The following ATRNL1 variants were observed in gnomAD, a reference collection of about 807,000 sequenced individuals.
ATRNL1 encodes the protein attractin like 1.
Under a neutral mutation model 182.7 loss-of-function variants are expected in ATRNL1, and 95 were observed. The ratio of observed to expected loss-of-function variants is 0.52; its 90% CI spans 0.44 to 0.62. The LOEUF (loss-of-function observed/expected upper bound fraction) is 0.62, where lower values mean the gene tolerates loss of function less well. Among genes scored for constraint, ATRNL1 ranks in the 20% least tolerant of loss-of-function variants. ATRNL1 has a pLI of 0.00. For missense variants in ATRNL1, 1,471 were observed against 1,679.5 expected, an observed-to-expected ratio of 0.88 and a Z score of 2.17; for synonymous variants, 576 against 568.3, an observed-to-expected ratio of 1.01 and a Z score of -0.19.
At chr10:115,270,581 C>G (rs1169258630) in intron 13 of ATRNL1, among the ~76,000 whole-genome samples, 1 of 151,670 alleles carries the variant, frequency 6.6e-6, no homozygotes, top group Non-Finnish European at 1.5e-5. Flanking sequence ...TTCTACTCTA[C>G]GTATGGAGGC....
chr10:115,303,516 C>T (rs782304054), intron 17 of ATRNL1, among the ~76,000 whole-genome samples: 10 of 152,052 alleles, frequency 6.6e-5, no homozygotes, highest in Non-Finnish European at 1.2e-4. Context: ...CCACCGCGCC[C>T]GGCCGGTATC....
intron 27 of ATRNL1, among the ~76,000 whole-genome samples, chr10:115,772,673 T>A (rs1555076749): frequency 4.6e-5 from 7 of 151,044 alleles, no homozygotes. Context: ...TTTAAGTACA[T>A]TTTCCCTGTA....
chr10:115,707,456 T>G (rs1487567537), intron 26 of ATRNL1, among the ~76,000 whole-genome samples: 1 of 151,734 alleles, frequency 6.6e-6, no homozygotes, highest in Non-Finnish European at 1.5e-5. Context: ...TTTCTTCTTT[T>G]GAACCTCATT....
At chr10:115,613,183 G>A (rs1371967088) in intron 26 of ATRNL1, among the ~76,000 whole-genome samples, 4 of 152,102 alleles carry the variant, frequency 2.6e-5, no homozygotes, top group South Asian at 2.1e-4. Context: ...TAACAAAACC[G>A]GACCAGTATT....
chr10:115,895,601 CACTT>C (rs1952186593), intron 28 of ATRNL1, among the ~76,000 whole-genome samples: 1 of 152,216 alleles, frequency 6.6e-6, no homozygotes, highest in African/African-American at 2.4e-5. Flanking sequence ...ATTCAGCAAA[CACTT>C]ACTGAACATC....
At chr10:115,527,866 CTTTCCT>C in intron 25 of ATRNL1, among the ~76,000 whole-genome samples, 3 of 114,580 alleles carry the variant, frequency 2.6e-5, no homozygotes, top group African/African-American at 9.7e-5. Flanking sequence ...TTCCTTCCTT[CTTTCCT>C]TCCCTCCCTC....
At chr10:115,718,360 C>T (rs7913341) in intron 26 of ATRNL1, among the ~76,000 whole-genome samples, 56,588 of 151,764 alleles carry the variant, frequency 0.37, 11,351 homozygotes, top group East Asian at 0.59. Context: ...TGTAAGTCAA[C>T]GTCGAACAAA....
intron 5 of ATRNL1, among the ~76,000 whole-genome samples, chr10:115,157,107 A>G (rs1439381240): frequency 6.6e-6 from 1 of 152,188 alleles, no homozygotes; most frequent in Non-Finnish European, 1.5e-5. Context: ...TGGAATGTTT[A>G]CAACACAAAT....
At position 115,561,727 on chromosome 10, in the gene ATRNL1, G is replaced by T. The variant is rs1029159720; in HGVS notation, c.3795+12191G>T. Among the ~76,000 whole-genome samples, 30 of 147,698 alleles carry T rather than the reference G, an allele frequency of 2.0e-4. No individual in the cohort carries two copies. In the East Asian group the frequency reaches 4.7e-3, roughly 23 times the overall value. On this transcript the variant is annotated intron_variant, in intron 26 of 28. Transcript: ENST00000355044. ...TGGGTGTGTGTGTGTGTGTGTGTTT[G>T]TGTGGTCAGTAACTCATGAAAATGA...
chr10:115,867,387 A>G (rs1951463344), intron 28 of ATRNL1, among the ~76,000 whole-genome samples: 1 of 152,198 alleles, frequency 6.6e-6, no homozygotes, highest in Non-Finnish European at 1.5e-5. Flanking sequence ...CATGTCATAT[A>G]ATAAGAGGAA....
At chr10:115,497,139 C>T (rs921818912) in intron 24 of ATRNL1, among the ~76,000 whole-genome samples, 4 of 152,098 alleles carry the variant, frequency 2.6e-5, no homozygotes, top group Non-Finnish European at 2.9e-5. Context: ...TGTTCCTCAG[C>T]GTGGTCCATT....
intron 28 of ATRNL1, among the ~76,000 whole-genome samples, chr10:115,876,984 G>A (rs1414107414): frequency 6.6e-6 from 1 of 152,144 alleles, no homozygotes; most frequent in Non-Finnish European, 1.5e-5. Context: ...GCATAGTACA[G>A]TACATTTTCT....
chr10:115,863,539 T>C (rs1951364354), intron 28 of ATRNL1, among the ~76,000 whole-genome samples: 1 of 152,120 alleles, frequency 6.6e-6, no homozygotes, highest in South Asian at 2.1e-4. Context: ...ATGATACATA[T>C]GAGGAAAGTG....
intron 1 of ATRNL1, among the ~76,000 whole-genome samples, chr10:115,097,042 G>A (rs943302813): frequency 1.3e-5 from 2 of 152,054 alleles, no homozygotes; most frequent in African/African-American, 2.4e-5. Context: ...TTAGAAGGGA[G>A]CCCTTGAGAA....
chr10:115,191,761 G>A (rs1462120955), intron 8 of ATRNL1, among the ~76,000 whole-genome samples: 7 of 151,738 alleles, frequency 4.6e-5, no homozygotes, highest in East Asian at 1.9e-4. Context: ...TTCCCCTTCC[G>A]CCATGATTGC....
chr10:115,594,716 G>A (rs1406084558), intron 26 of ATRNL1, among the ~76,000 whole-genome samples: 2 of 152,142 alleles, frequency 1.3e-5, no homozygotes, highest in African/African-American at 4.8e-5. Flanking sequence ...TGTTGGCCAG[G>A]CTGGTCTTAA....
chr10:115,925,744 G>A (rs1953210771), intron 28 of ATRNL1, among the ~76,000 whole-genome samples: 1 of 152,160 alleles, frequency 6.6e-6, no homozygotes, highest in South Asian at 2.1e-4. Context: ...ACCCAATACA[G>A]GAGCAGCCAG....
chr10:115,630,623 GGATA>G (rs1323029872), intron 26 of ATRNL1, among the ~76,000 whole-genome samples: 2 of 149,374 alleles, frequency 1.3e-5, no homozygotes, highest in South Asian at 2.1e-4. Context: ...ATTGATAGAT[GGATA>G]AAGAAATAAG....
At chr10:115,695,791 T>C (rs1412931947) in intron 26 of ATRNL1, among the ~76,000 whole-genome samples, 1 of 152,200 alleles carries the variant, frequency 6.6e-6, no homozygotes, top group Non-Finnish European at 1.5e-5. Context: ...AATGAATGCA[T>C]TGGTTTGCTA....
Sources: allele counts gnomAD v4.1 joint callset (sites outside exome capture counted in the v4.1 genomes callset), GRCh38; gene constraint gnomAD v4.1.1; transcripts MANE v1.5; gene names NCBI Gene and HGNC (gene_info 2026-07-23, HGNC 2026-07-21).